The following TMEM230 variants were observed in gnomAD, a reference collection of about 807,000 sequenced individuals.
TMEM230 encodes UPF0414 transmembrane protein C20orf30.
Under a neutral mutation model 15.8 loss-of-function variants are expected in TMEM230, and 10 were observed. That is an observed-to-expected ratio of 0.63 (90% CI 0.39 to 1.07). TMEM230 has a LOEUF of 1.07. Among genes scored for constraint, TMEM230 ranks in the 50% least tolerant of loss-of-function variants. The pLI is 0.01. For missense variants in TMEM230, 165 were observed against 193.3 expected (o/e 0.85, Z 0.87); for synonymous variants, 67 against 76.9 (o/e 0.87, Z 0.68).
chr20:5,064,074 C>G (rs1348787489), downstream of TMEM230, among the ~76,000 whole-genome samples: 1 of 151,938 alleles, frequency 6.6e-6, no homozygotes, highest in Non-Finnish European at 1.5e-5. Context: ...CGAGACCAGC[C>G]TGGCCAATAT....
chr20:5,090,113 C>A (rs1600331445), intron 3 of TMEM230, among the ~76,000 whole-genome samples: 1 of 151,284 alleles, frequency 6.6e-6, no homozygotes, highest in South Asian at 2.1e-4. Flanking sequence ...GGAAAAGAGA[C>A]AAAAATATGA....
chr20:5,093,360 A>G (rs2089564961), intron 3 of TMEM230, among the ~76,000 whole-genome samples: 1 of 145,150 alleles, frequency 6.9e-6, no homozygotes, highest in South Asian at 2.2e-4. Context: ...CTATCCTCCC[A>G]TCTCAGCCTC....
At chr20:5,097,066 G>T, downstream of TMEM230, among the ~76,000 whole-genome samples, 1 of 152,196 alleles carries the variant, frequency 6.6e-6, no homozygotes. Flanking sequence ...AAGATCATGT[G>T]AACATTTCCC....
intron 3 of TMEM230, among the ~76,000 whole-genome samples, chr20:5,082,504 C>T (rs570347874): frequency 5.3e-5 from 8 of 152,244 alleles, no homozygotes; most frequent in South Asian, 4.1e-4. Context: ...TGCAGTGGCA[C>T]GATCTAGGCT....
chr20:5,098,862 T>C (rs578078807), downstream of TMEM230, among the ~76,000 whole-genome samples: 6 of 152,040 alleles, frequency 3.9e-5, no homozygotes, highest in Non-Finnish European at 8.8e-5. Flanking sequence ...ACCAGATATA[T>C]ATTTATGTGC....
At chr20:5,081,278 G>A (rs1473282167) in intron 3 of TMEM230, among the ~76,000 whole-genome samples, 4 of 152,214 alleles carry the variant, frequency 2.6e-5, no homozygotes, top group African/African-American at 9.6e-5. Flanking sequence ...GGTGGGGGAT[G>A]GAAGGGGCGA....
chr20:5,063,965 T>A (rs536317952), downstream of TMEM230, among the ~76,000 whole-genome samples: 1 of 151,994 alleles, frequency 6.6e-6, no homozygotes, highest in African/African-American at 2.4e-5. Context: ...GGCTCACAGA[T>A]AACGAAACAA....
At chr20:5,076,040 T>C (rs111703224) in intron 3 of TMEM230, among the ~76,000 whole-genome samples, 7,490 of 150,536 alleles carry the variant, frequency 0.05, 571 homozygotes, top group African/African-American at 0.17. Flanking sequence ...GCTTGGGAGG[T>C]GGAGGTTGCA....
exon 4 of TMEM230, chr20:5,069,241 G>A (rs766960116): frequency 1.3e-6 from 2 of 1,535,982 alleles, no homozygotes; most frequent in Non-Finnish European, 1.7e-6. Context: ...CTTGAGCTGA[G>A]TCCTCCTTCG....
At chr20:5,092,856 G>C (rs1047286187) in intron 3 of TMEM230, among the ~76,000 whole-genome samples, 5 of 152,074 alleles carry the variant, frequency 3.3e-5, no homozygotes, top group Non-Finnish European at 7.4e-5. Flanking sequence ...TAGAAGGAAT[G>C]TACTTTGATG....
At position 5,092,983 on chromosome 20, in the gene TMEM230, T is replaced by C. The variant is rs149578808; in HGVS notation, c.222+13205A>G. ...TCACCACTTATATTTGACATAGTAA[T>C]GGAAATCCTAGCCAGAGCATTAGGT... On this transcript the variant is annotated intron_variant, in intron 3 of 3. Coordinates refer to the TMEM230 transcript ENST00000612323. 1.2e-3 allele frequency among the ~76,000 whole-genome samples: 183 copies of C among 152,228 alleles called. 1 individual carries two copies. Among genetic ancestry groups the C allele is most frequent in the African/African-American group, 4.2e-3 (176 of 41,524 alleles).
chr20:5,070,459 C>T (rs182164211), intron 3 of TMEM230, among the ~76,000 whole-genome samples: 146 of 152,252 alleles, frequency 9.6e-4, no homozygotes, highest in Non-Finnish European at 1.6e-3. Context: ...ATTTGTAATG[C>T]AGAAATAGAT....
At chr20:5,112,840 G>C in intron 1 of TMEM230, 121 bp downstream of exon 1, 1 of 1,540,144 alleles carries the variant, frequency 6.5e-7, no homozygotes, top group Admixed American at 2.0e-5. Flanking sequence ...AACTGTGCCA[G>C]GGGGGACGAA....
intron 1 of TMEM230, 74 bp downstream of exon 1, chr20:5,112,887 G>A: frequency 6.5e-7 from 1 of 1,548,076 alleles, no homozygotes; most frequent in Admixed American, 2.0e-5. Context: ...GATTTCGGCG[G>A]GGAGCGCGGT....
intron 4 of TMEM230, among the ~76,000 whole-genome samples, chr20:5,102,558 G>C (rs1048757657): frequency 6.6e-6 from 1 of 151,982 alleles, no homozygotes; most frequent in African/African-American, 2.4e-5. Flanking sequence ...GGGCATGGTG[G>C]TATATGCCTG....
chr20:5,087,796 A>C (rs1488116201), intron 3 of TMEM230, among the ~76,000 whole-genome samples: 2 of 147,778 alleles, frequency 1.4e-5, no homozygotes, highest in Non-Finnish European at 3.0e-5. Flanking sequence ...CTTTGGGTAA[A>C]GATGAGAAGA....
rs762055490 is a variant in TMEM230 at position 5,100,754 on chromosome 20, G to A, written c.*37C>T. 5 of 1,610,296 alleles carry A rather than the reference G, an allele frequency of 3.1e-6. No homozygotes were observed. In the South Asian group the frequency reaches 3.3e-5, roughly 11 times the overall value. ...TGCTAGATATCTTAAAGCTGGGACA[G>A]TTCCACTGTGACTCCTCCTCAGCTA... On this transcript the variant is annotated 3_prime_UTR_variant, in exon 5 of 5. Coordinates refer to ENST00000342308, the MANE Select transcript of TMEM230 (RefSeq NM_001009923.2).
In TMEM230 at chr20:5,075,632, G is replaced by T. The variant is rs143988296; in HGVS notation, c.223-6283C>A. Among the ~76,000 whole-genome samples, 663 of 152,054 alleles carry T rather than the reference G, an allele frequency of 4.4e-3. 4 individuals are homozygous for T. The highest frequency in any genetic ancestry group is 0.015 in the African/African-American group (639 of 41,520). On this transcript the variant is annotated intron_variant, in intron 3 of 3. Transcript: ENST00000612323. ...CCCAGCTACTCGGGAGGATGAAGCAGGAGAATCTCTTGAACCCGTGAGGCA... is the reference window on the plus strand; with the variant it reads ...CCCAGCTACTCGGGAGGATGAAGCATGAGAATCTCTTGAACCCGTGAGGCA...
At chr20:5,075,285 G>A (rs1269869494) in intron 3 of TMEM230, among the ~76,000 whole-genome samples, 3 of 150,750 alleles carry the variant, frequency 2.0e-5, no homozygotes, top group Non-Finnish European at 4.4e-5. Context: ...GGCTGGTCTC[G>A]AACTCCTGAC....
Sources: allele counts gnomAD v4.1 joint callset (sites outside exome capture counted in the v4.1 genomes callset), GRCh38; gene constraint gnomAD v4.1.1; transcripts MANE v1.5; gene names NCBI Gene and HGNC (gene_info 2026-07-23, HGNC 2026-07-21).